The following GET1 variants were observed in gnomAD, a reference collection of about 807,000 sequenced individuals.
GET1 encodes congenital heart disease 5 protein.
GET1 carries 20 observed loss-of-function variants against 22.6 expected under a neutral mutation model. The observed-to-expected ratio is 0.89, with a 90% CI of 0.62 to 1.29. The LOEUF (loss-of-function observed/expected upper bound fraction) is 1.29, where lower values mean the gene tolerates loss of function less well. Ranked by LOEUF, GET1 falls within the 50% of genes most tolerant of loss-of-function variation. The probability of loss-of-function intolerance (pLI) is 0.00; values close to 1 mark genes in which losing one functional copy is unlikely to be tolerated. For synonymous variants in GET1, 92 were observed against 83.8 expected, an observed-to-expected ratio of 1.10 and a Z score of -0.53; for missense variants, 209 against 219.9, an observed-to-expected ratio of 0.95 and a Z score of 0.31.
At chr21:39,398,445 T>A (rs1338448123), downstream of GET1, among the ~76,000 whole-genome samples, 1 of 152,140 alleles carries the variant, frequency 6.6e-6, no homozygotes, top group Non-Finnish European at 1.5e-5. Flanking sequence ...ATATTCTCAT[T>A]CAGTTGTTAC....
chr21:39,428,397 G>T, exon 2 of GET1: 1 of 1,612,536 alleles, frequency 6.2e-7, no homozygotes, highest in South Asian at 1.1e-5. Context: ...CCTGTGCCTG[G>T]GCTTCTCTTG....
At chr21:39,406,042 A>G (rs2039029665) in exon 5 of GET1, 2 of 1,614,052 alleles carry the variant, frequency 1.2e-6, no homozygotes, top group South Asian at 2.2e-5. Flanking sequence ...GCCTTTTGCA[A>G]CACCAGGACT....
At chr21:39,405,056 C>A (rs915719926) in intron 4 of GET1, among the ~76,000 whole-genome samples, 1 of 151,888 alleles carries the variant, frequency 6.6e-6, no homozygotes, top group African/African-American at 2.4e-5. Context: ...TGGTCTCAAA[C>A]TCCTAACCTC....
chr21:39,390,811 T>C lies in GET1; in HGVS notation c.216T>C (p.Tyr72=), dbSNP rs151332723. ...ACATGATGGACGAGTTTGCCAGATA[T>C]GCCAGGCTGGAAAGAAAGATCAACA... ...TVNMMDEFAR[Y]ARLERKINKM... The change falls in exon 2 of 5, where the codon TAT becomes TAC. Residue 72 remains tyrosine (Y), a synonymous_variant. Coordinates refer to ENST00000649170, the MANE Select transcript of GET1 (RefSeq NM_004627.6). The C allele has an allele frequency of 3.7e-6, 6 of 1,614,046 alleles. No homozygotes were observed. In the African/African-American group the frequency reaches 5.3e-5, roughly 14 times the overall value.
intron 1 of GET1, chr21:39,411,714 A>G (rs1253650541): frequency 2.1e-6 from 3 of 1,400,900 alleles, no homozygotes; most frequent in Non-Finnish European, 2.9e-6. Flanking sequence ...TAATTAAAAC[A>G]TACCTTTTGG....
At chr21:39,424,763 G>GCA (rs1203531817) in intron 1 of GET1, among the ~76,000 whole-genome samples, 2 of 152,056 alleles carry the variant, frequency 1.3e-5, no homozygotes, top group African/African-American at 4.8e-5. Context: ...CTGTTACTTT[G>GCA]GCTGGGCACC....
At chr21:39,423,124 T>C (rs767148617) in intron 1 of GET1, 3 of 1,613,812 alleles carry the variant, frequency 1.9e-6, no homozygotes, top group Non-Finnish European at 2.5e-6. Flanking sequence ...GCTGTCAGTT[T>C]CTCTAAGTTT....
chr21:39,405,584 G>A (rs372111827), intron 4 of GET1, among the ~76,000 whole-genome samples: 9 of 152,274 alleles, frequency 5.9e-5, no homozygotes, highest in East Asian at 5.8e-4. Context: ...TAACTTAAGA[G>A]TTACTAGCTA....
intron 1 of GET1, chr21:39,387,694 C>G (rs2038002435): frequency 1.4e-6 from 1 of 711,962 alleles, no homozygotes; most frequent in African/African-American, 2.0e-5. Flanking sequence ...CCCACACTCC[C>G]CCCCCCCACT....
chr21:39,384,682 C>G, intron 1 of GET1, among the ~76,000 whole-genome samples: 1 of 151,450 alleles, frequency 6.6e-6, no homozygotes, highest in East Asian at 1.9e-4. Flanking sequence ...GTTATTAAGT[C>G]TAGTATTCAT....
chr21:39,420,197 G>A (rs781099476), intron 1 of GET1, among the ~76,000 whole-genome samples: 1 of 152,046 alleles, frequency 6.6e-6, no homozygotes, highest in African/African-American at 2.4e-5. Flanking sequence ...TATGATTGTA[G>A]AGAAAATATC....
exon 5 of GET1, chr21:39,406,089 G>C (rs777762689): frequency 6.2e-7 from 1 of 1,614,152 alleles, no homozygotes; most frequent in South Asian, 1.1e-5. Context: ...CTGATCCAAA[G>C]AGTTCTTCCA....
At chr21:39,395,786 A>G (rs1244323247) in intron 4 of GET1, among the ~76,000 whole-genome samples, 1 of 152,122 alleles carries the variant, frequency 6.6e-6, no homozygotes, top group Admixed American at 6.5e-5. Context: ...CACTGCGGCC[A>G]GAGAAGCATC....
intron 1 of GET1, among the ~76,000 whole-genome samples, chr21:39,423,974 GT>G (rs200705636): frequency 0.01 from 1,542 of 152,162 alleles, 34 homozygotes; most frequent in African/African-American, 0.035. Flanking sequence ...GATCAACAGA[GT>G]TAAGATCCCA....
downstream of GET1, among the ~76,000 whole-genome samples, chr21:39,401,419 A>C (rs2038835882): frequency 6.6e-6 from 1 of 152,170 alleles, no homozygotes; most frequent in African/African-American, 2.4e-5. Flanking sequence ...AAAATATGTA[A>C]ATTTTAAAGA....
chr21:39,385,721 A>G (rs1215439367), intron 1 of GET1, among the ~76,000 whole-genome samples: 1 of 151,648 alleles, frequency 6.6e-6, no homozygotes, highest in East Asian at 1.9e-4. Flanking sequence ...GCCCGGGCTC[A>G]AGGTCCGTGC....
chr21:39,380,669 C>T, intron 1 of GET1, 183 bp downstream of exon 1: 2 of 1,415,856 alleles, frequency 1.4e-6, no homozygotes, highest in Non-Finnish European at 1.8e-6. Context: ...ACCCCAAAAT[C>T]AGACTTTCTG....
rs1364355406 is a variant in GET1, at chr21:39,390,787, C to T, written c.192C>T (p.Asn64=). Residue 64 remains asparagine (N), a synonymous_variant, in exon 2 of 5, where the codon AAC becomes AAT. Transcript: ENST00000649170. ...QDMKQELSTV[N]MMDEFARYAR... is the part of the protein sequence containing the mutation. ...TGAAGCAGGAGCTCTCCACAGTCAA[C>T]ATGATGGACGAGTTTGCCAGATATG... 2 of 1,614,060 alleles carry T rather than the reference C, an allele frequency of 1.2e-6. No individual in the cohort carries two copies. The highest frequency in any genetic ancestry group is 1.3e-5 in the African/African-American group (1 of 74,908).
downstream of GET1, chr21:39,406,622 A>G (rs917375321): frequency 1.3e-6 from 2 of 1,548,192 alleles, no homozygotes; most frequent in African/African-American, 2.8e-5. Context: ...TCTATATTAG[A>G]AAAATAGGCA....
Sources: allele counts gnomAD v4.1 joint callset (sites outside exome capture counted in the v4.1 genomes callset), GRCh38; gene constraint gnomAD v4.1.1; transcripts MANE v1.5; gene names NCBI Gene and HGNC (gene_info 2026-07-23, HGNC 2026-07-21).